Variants in LGSN observed in about 807,000 individuals in gnomAD.
LGSN encodes lengsin.
A neutral mutation model predicts 19.5 loss-of-function variants in LGSN; 21 were observed. The observed-to-expected ratio is 1.07, with a 90% CI of 0.76 to 1.55. The LOEUF (loss-of-function observed/expected upper bound fraction) is 1.55, where lower values mean the gene tolerates loss of function less well. Among genes scored for constraint, LGSN ranks in the 40% most tolerant of loss-of-function variants. The pLI is 0.00. For synonymous variants in LGSN, 257 were observed against 215.6 expected, an observed-to-expected ratio of 1.19 and a Z score of -1.68; for missense variants, 673 against 608.5, an observed-to-expected ratio of 1.11 and a Z score of -1.12.
chr6:63,454,200 T>C, the LGSN span, among the ~76,000 whole-genome samples: 33 of 151,144 alleles, frequency 2.2e-4, no homozygotes, highest in African/African-American at 7.9e-4. Context: ...AAATAATGTG[T>C]GTTTTTTCCT....
the LGSN span, among the ~76,000 whole-genome samples, chr6:63,336,519 CTGTGTGTGTGTGTGTGTGTG>C: frequency 2.3e-5 from 3 of 132,112 alleles, no homozygotes; most frequent in African/African-American, 8.6e-5. Flanking sequence ...TATAGAATAT[CTGTGTGTGTGTGTGTGTGTG>C]TGTGTGTGTG....
the LGSN span, among the ~76,000 whole-genome samples, chr6:63,351,170 A>G: frequency 6.6e-6 from 1 of 152,144 alleles, no homozygotes; most frequent in Non-Finnish European, 1.5e-5. Flanking sequence ...TACTGTGAGA[A>G]AACCCTGTCT....
the LGSN span, among the ~76,000 whole-genome samples, chr6:63,432,173 A>AGAG: frequency 6.8e-5 from 2 of 29,552 alleles, no homozygotes; most frequent in African/African-American, 3.4e-4. Context: ...AAGAAAGAAA[A>AGAG]GGAAAGAAAG....
At chr6:63,435,865 T>A in the LGSN span, among the ~76,000 whole-genome samples, 57 of 150,586 alleles carry the variant, frequency 3.8e-4, no homozygotes, top group Middle Eastern at 6.9e-3. Context: ...TTTAAGAATA[T>A]GTATGTGATT....
intron 1 of LGSN, among the ~76,000 whole-genome samples, chr6:63,302,944 T>G (rs571117717): frequency 7.0e-4 from 107 of 152,042 alleles, no homozygotes; most frequent in Admixed American, 3.6e-3. Context: ...CTGGCCAATA[T>G]AGTGAGACCC....
At chr6:63,415,561 G>T in the LGSN span, among the ~76,000 whole-genome samples, 1 of 152,178 alleles carries the variant, frequency 6.6e-6, no homozygotes, top group South Asian at 2.1e-4. Flanking sequence ...CATGAGAATG[G>T]CATGGGCGAA....
intron 1 of LGSN, among the ~76,000 whole-genome samples, chr6:63,295,504 G>A (rs1024597130): frequency 1.3e-5 from 2 of 151,940 alleles, no homozygotes; most frequent in Non-Finnish European, 2.9e-5. Flanking sequence ...TATGAAAAAG[G>A]AAAAAATTAA....
At chr6:63,385,592 A>C in the LGSN span, among the ~76,000 whole-genome samples, 7 of 151,864 alleles carry the variant, frequency 4.6e-5, no homozygotes, top group African/African-American at 1.7e-4. Flanking sequence ...TCCATTTCCA[A>C]CTCTATACTC....
the LGSN span, among the ~76,000 whole-genome samples, chr6:63,370,881 T>C: frequency 6.6e-6 from 1 of 152,202 alleles, no homozygotes; most frequent in Non-Finnish European, 1.5e-5. Context: ...AAAAGCATTT[T>C]TCCTGCTTTT....
the LGSN span, among the ~76,000 whole-genome samples, chr6:63,511,075 C>T: frequency 5.3e-5 from 8 of 152,050 alleles, no homozygotes; most frequent in Non-Finnish European, 1.0e-4. Flanking sequence ...ATGCTCATGG[C>T]ACCTATTACT....
the LGSN span, among the ~76,000 whole-genome samples, chr6:63,568,204 T>TG: frequency 6.6e-6 from 1 of 152,344 alleles, no homozygotes; most frequent in East Asian, 1.9e-4. Flanking sequence ...GTTTTGGGTA[T>TG]GAGGCCTAGT....
chr6:63,532,817 C>G, the LGSN span, among the ~76,000 whole-genome samples: 1 of 151,718 alleles, frequency 6.6e-6, no homozygotes, highest in South Asian at 2.1e-4. Context: ...AATAAGCTAC[C>G]AAAAAATATC....
At chr6:63,457,685 G>T in the LGSN span, among the ~76,000 whole-genome samples, 1 of 152,030 alleles carries the variant, frequency 6.6e-6, no homozygotes, top group Non-Finnish European at 1.5e-5. Flanking sequence ...CAAGACCAGC[G>T]TGGCCAATGT....
the LGSN span, among the ~76,000 whole-genome samples, chr6:63,520,630 C>G: frequency 7.2e-6 from 1 of 139,000 alleles, no homozygotes; most frequent in East Asian, 2.1e-4. Flanking sequence ...GACTCTGTCT[C>G]AAATAAATAA....
chr6:63,362,708 C>T, the LGSN span, among the ~76,000 whole-genome samples: 2 of 152,182 alleles, frequency 1.3e-5, no homozygotes, highest in African/African-American at 4.8e-5. Flanking sequence ...GAAGGTCGAA[C>T]TGGGTGGAGC....
At chr6:63,493,937 A>G in the LGSN span, among the ~76,000 whole-genome samples, 1 of 149,772 alleles carries the variant, frequency 6.7e-6, no homozygotes, top group Non-Finnish European at 1.5e-5. Context: ...ACAGAAAGAA[A>G]GAAGAAATCA....
intron 2 of LGSN, among the ~76,000 whole-genome samples, chr6:63,287,275 C>A (rs894407943): frequency 1.3e-5 from 2 of 152,216 alleles, no homozygotes; most frequent in East Asian, 3.9e-4. Flanking sequence ...AACAATTAAA[C>A]TGTAGCAATT....
the LGSN span, among the ~76,000 whole-genome samples, chr6:63,442,056 G>A: frequency 6.6e-6 from 1 of 152,212 alleles, no homozygotes; most frequent in African/African-American, 2.4e-5. Flanking sequence ...ACTGACTTAA[G>A]AAGTGAGGCG....
At chr6:63,445,559 A>G in the LGSN span, among the ~76,000 whole-genome samples, 2 of 152,178 alleles carry the variant, frequency 1.3e-5, no homozygotes, top group African/African-American at 4.8e-5. Flanking sequence ...TGGAGGTTGC[A>G]GTGAGCAGAG....
Sources: gnomAD v4.1 joint callset for allele counts (sites outside exome capture counted in the v4.1 genomes callset) on GRCh38, gnomAD v4.1.1 for gene constraint, MANE v1.5 for transcripts, NCBI Gene and HGNC (gene_info 2026-07-23, HGNC 2026-07-21) for gene names.